The following USP8 variants were observed in gnomAD, a reference collection of about 807,000 sequenced individuals.
USP8 encodes ubiquitin carboxyl-terminal hydrolase 8.
A neutral mutation model predicts 130.0 loss-of-function variants in USP8; 27 were observed. The ratio of observed to expected loss-of-function variants is 0.21; its 90% CI spans 0.15 to 0.29. USP8 has a LOEUF of 0.29. Among genes scored for constraint, USP8 ranks in the 10% least tolerant of loss-of-function variants. The pLI is 1.00. For synonymous variants in USP8, 392 were observed against 444.1 expected (o/e 0.88, Z 1.48); for missense variants, 1,029 against 1,312.2 (o/e 0.78, Z 3.33).
chr15:50,476,797 TA>T, intron 8 of USP8, 51 bp from the exon 9 acceptor site: 1 of 1,494,682 alleles, frequency 6.7e-7, no homozygotes, highest in Non-Finnish European at 8.9e-7. Context: ...GTTGTGTTTT[TA>T]GCTGTTGAAA....
At chr15:50,469,319 C>A (rs921258208) in intron 7 of USP8, among the ~76,000 whole-genome samples, 7 of 151,702 alleles carry the variant, frequency 4.6e-5, no homozygotes, top group Admixed American at 2.0e-4. Context: ...TAATAAAAGA[C>A]AAGTAGAGCA....
chr15:50,505,750 G>C lies in USP8; in HGVS notation c.*6662G>C, dbSNP rs112069964. The C allele has an allele frequency of 0.09, 13,730 of 152,404 alleles. 1,360 individuals carry two copies. Among genetic ancestry groups the C allele is most frequent in the African/African-American group, 0.25 (10,325 of 41,516 alleles). The allele number at this position is 152,404 out of a possible 1,614,324, so 9.4% of individuals were successfully genotyped here. The stretch of plus-strand genomic sequence containing the variant: ...AAGGCAGGAGGATCGTTTGAGCCCA[G>C]GAGTTTGAGACCAGCCTGGGCAACA... On this transcript the variant is annotated 3_prime_UTR_variant, in exon 20 of 20. Transcript: ENST00000307179.
chr15:50,491,133 T>C (rs369147817), intron 14 of USP8, among the ~76,000 whole-genome samples: 9 of 152,208 alleles, frequency 5.9e-5, no homozygotes, highest in African/African-American at 2.2e-4. Flanking sequence ...TTATGACTGA[T>C]AGGGCTATGA....
rs151230600 is a variant in USP8 at position 50,498,877 on chromosome 15, T to G, written c.3172-26T>G. The G allele has an allele frequency of 1.9e-6, 3 of 1,567,780 alleles. No homozygotes were observed. In the African/African-American group the frequency reaches 4.1e-5, roughly 22 times the overall value. Reference sequence around the variant, plus strand: ...AAATAACAATTTTAACTGAATTGATTTTTTTTTCTATCTTGTTTGGCACAG... The same window carrying G: ...AAATAACAATTTTAACTGAATTGATGTTTTTTTCTATCTTGTTTGGCACAG... On this transcript the variant is annotated intron_variant, in intron 19 of 19. Transcript: ENST00000307179.
chr15:50,433,887 G>C (rs1044021890), intron 1 of USP8, among the ~76,000 whole-genome samples: 1 of 152,238 alleles, frequency 6.6e-6, no homozygotes, highest in African/African-American at 2.4e-5. Context: ...TTACAGGCGT[G>C]AGCCACTGTG....
In USP8 at chr15:50,481,690, C is replaced by G; in HGVS notation, c.1428C>G (p.Asn476Lys). The change falls in exon 11 of 20, where the codon AAC becomes AAG. Residue 476 changes from asparagine to lysine, a missense_variant. By Grantham distance (94) the Asn-to-Lys change is moderately conservative. Around this residue, in one of 4 missense-constraint regions of USP8, gnomAD observed 486 missense variants for 522.0 expected, o/e 0.93. Transcript: ENST00000307179. The part of the protein sequence containing the change: ...HAETALLMEK[N>K]KQEKELRERQ... ...AAACTGCTCTTCTAATGGAAAAAAA[C>G]AAACAAGAAAAAGAACTTCGGGAAA... 1 of 1,610,308 alleles carries G rather than the reference C, an allele frequency of 6.2e-7. No individual in the cohort carries two copies. The highest frequency in any genetic ancestry group is 1.1e-5 in the South Asian group (1 of 90,288).
rs773766828 is a variant in USP8, at chr15:50,471,640, G to C, written c.694G>C (p.Ala232Pro). The C allele has an allele frequency of 4.5e-5, 72 of 1,612,412 alleles. No homozygotes were observed. The highest frequency in any genetic ancestry group is 5.5e-5 in the Non-Finnish European group (65 of 1,179,822). Residue 232 changes from alanine (A) to proline (P), a missense_variant, in exon 8 of 20, where the codon GCT becomes CCT. Ala to Pro is a conservative substitution (Grantham distance 27). Around this residue, in one of 4 missense-constraint regions of USP8, gnomAD observed 281 missense variants for 336.7 expected, o/e 0.83. Transcript: ENST00000307179. ...PEEAISPGVTASWIEAHLPDD... is the reference protein window; with the variant it reads ...PEEAISPGVTPSWIEAHLPDD... ...AATATTAATACATTTCAGAGTCACT[G>C]CTAGTTGGATTGAAGCACACCTGCC...
At position 50,511,770 on chromosome 15, in the gene USP8, G is replaced by A. The variant is rs1379434155; in HGVS notation, c.*12682G>A. 1 of 152,322 alleles carries A rather than the reference G, an allele frequency of 6.6e-6. No individual in the cohort carries two copies. Among genetic ancestry groups the A allele is most frequent in the Non-Finnish European group, 1.5e-5 (1 of 68,108 alleles). 9.4% of individuals were successfully genotyped at this position (152,322 alleles called of 1,614,324 possible). ...CCAGCACCTGGGGGAGCCGAGGCAG[G>A]TGGATCACTTGACGTCTGGAGTTTG... On this transcript the variant is annotated 3_prime_UTR_variant, in exon 20 of 20. Transcript: ENST00000307179.
chr15:50,432,032 A>G lies in USP8; in HGVS notation c.-65-6977A>G, dbSNP rs547549417. ...AGGTTCTCTCTCTCATCACATCATC[A>G]TGAGCACTGCGTGTGTATGAGGATT... On this transcript the variant is annotated intron_variant, in intron 1 of 19. Coordinates refer to ENST00000307179, the MANE Select transcript of USP8 (RefSeq NM_005154.5). 7.6e-4 allele frequency among the ~76,000 whole-genome samples: 116 copies of G among 152,256 alleles called. 1 individual carries two copies. The highest frequency in any genetic ancestry group is 6.8e-3 in the Middle Eastern group (2 of 294).
rs2052628110 is a variant in USP8, at chr15:50,504,260, C to T, written c.*5172C>T. Reference sequence around the variant, plus strand: ...CTACTCCAGGCCTGGCATGGTGGCTCACACGTGTAATCCCAACGTTTTTGG... The same window carrying T: ...CTACTCCAGGCCTGGCATGGTGGCTTACACGTGTAATCCCAACGTTTTTGG... On this transcript the variant is annotated 3_prime_UTR_variant, in exon 20 of 20. Coordinates refer to ENST00000307179, the MANE Select transcript of USP8 (RefSeq NM_005154.5). The T allele has an allele frequency of 6.6e-6, 1 of 152,154 alleles. No homozygotes were observed. Among genetic ancestry groups the T allele is most frequent in the South Asian group, 2.1e-4 (1 of 4,832 alleles). 9.4% of individuals were successfully genotyped at this position (152,154 alleles called of 1,614,324 possible).
chr15:50,497,739 C>T (rs1485034622), intron 18 of USP8: 1 of 152,152 alleles, frequency 6.6e-6, no homozygotes, highest in African/African-American at 2.4e-5. Context: ...AAAACACGAA[C>T]CAGATCTTTT....
rs2051421334 is a variant in USP8, at chr15:50,472,659, C to T, written c.849+864C>T. Among the ~76,000 whole-genome samples the T allele has an allele frequency of 4.0e-5, 6 of 151,436 alleles. No individual in the cohort carries two copies. In the South Asian group the frequency reaches 1.2e-3, roughly 32 times the overall value. ...GGCGTGGTGGCCCATGCCTGTAATC[C>T]CAACACTTTGGGAAGCTGAGGCGGG... On this transcript the variant is annotated intron_variant, in intron 8 of 19. Transcript: ENST00000307179.
intron 7 of USP8, among the ~76,000 whole-genome samples, chr15:50,466,470 C>T (rs2051190623): frequency 6.6e-6 from 1 of 151,902 alleles, no homozygotes; most frequent in African/African-American, 2.4e-5. Flanking sequence ...TGGCGTATGC[C>T]TATAATCCCA....
chr15:50,482,043 C>A lies in USP8; in HGVS notation c.1781C>A (p.Thr594Lys). Reference sequence around the variant, plus strand: ...GGAGATGTGCCCCATACATCTGTGACAGGGGATTCAGGTTCAGGCAAGGTA... The same window carrying A: ...GGAGATGTGCCCCATACATCTGTGAAAGGGGATTCAGGTTCAGGCAAGGTA... ...STGDVPHTSV[T>K]GDSGSGKPFK... The change falls in exon 11 of 20, where the codon ACA (threonine) becomes AAA (lysine). Residue 594 changes from threonine (T) to lysine (K), a missense_variant. By Grantham distance (78) the Thr-to-Lys change is moderately conservative. Coordinates refer to ENST00000307179, the MANE Select transcript of USP8 (RefSeq NM_005154.5). The A allele has an allele frequency of 6.6e-7, 1 of 1,507,936 alleles. No homozygotes were observed. 93.4% of individuals were successfully genotyped at this position (1,507,936 alleles called of 1,614,324 possible). A position where few individuals can be genotyped will look rare whatever the true frequency, so the allele number is the denominator to read the frequency against.
chr15:50,501,760 G>A lies in USP8; in HGVS notation c.*2672G>A, dbSNP rs1340295928. ...GTGTTATGGTGTATGATAAGGGTCA[G>A]CAAACCACGGCCCGTGGGTCAACTC... On this transcript the variant is annotated 3_prime_UTR_variant, in exon 20 of 20. Coordinates refer to ENST00000307179, the MANE Select transcript of USP8 (RefSeq NM_005154.5). 2 of 152,156 alleles carry A rather than the reference G, an allele frequency of 1.3e-5. No individual in the cohort carries two copies. Among genetic ancestry groups the A allele is most frequent in the Admixed American group, 1.3e-4 (2 of 15,278 alleles). 9.4% of individuals were successfully genotyped at this position (152,156 alleles called of 1,614,324 possible). A position where few individuals can be genotyped will look rare whatever the true frequency, so the allele number is the denominator to read the frequency against.
At chr15:50,432,302 G>A (rs1229196110) in intron 1 of USP8, 1 of 151,982 alleles carries the variant, frequency 6.6e-6, no homozygotes, top group Non-Finnish European at 1.5e-5. Context: ...CCACTTTGTT[G>A]GCTACCTACC....
rs767554389 is a variant in USP8, at chr15:50,481,932, G to C, written c.1670G>C (p.Ser557Thr). 4.4e-6 allele frequency: 7 copies of C among 1,608,380 alleles called. No homozygotes were observed. In the Admixed American group the frequency reaches 8.6e-5, roughly 20 times the overall value. Residue 557 changes from serine (S) to threonine (T), a missense_variant, in exon 11 of 20, where the codon AGT becomes ACT. By Grantham distance (58) the Ser-to-Thr change is moderately conservative. Coordinates refer to ENST00000307179, the MANE Select transcript of USP8 (RefSeq NM_005154.5). ...EITGVKRQSK[S>T]EHETSDAKKS... ...ACAGGAGTAAAAAGACAAAGTAAAA[G>C]TGAACATGAAACTTCTGATGCCAAG... is the stretch of plus-strand genomic sequence containing the variant.
Position 50,500,068 on chromosome 15 carries a change from T to G in USP8, c.*980T>G, listed in dbSNP as rs1356874469. The stretch of plus-strand genomic sequence containing the variant: ...AACCGAGGGACTCAGTTGCTATATA[T>G]ATAGTCAGTAAAACACTCCATATAA... On this transcript the variant is annotated 3_prime_UTR_variant, in exon 20 of 20. Coordinates refer to ENST00000307179, the MANE Select transcript of USP8 (RefSeq NM_005154.5). The G allele has an allele frequency of 2.0e-5, 3 of 152,156 alleles. No homozygotes were observed. The highest frequency in any genetic ancestry group is 3.2e-3 in the Middle Eastern group (1 of 316). 9.4% of individuals were successfully genotyped at this position (152,156 alleles called of 1,614,324 possible).
intron 1 of USP8, among the ~76,000 whole-genome samples, chr15:50,432,659 A>G (rs1310243043): frequency 6.6e-6 from 1 of 152,192 alleles, no homozygotes; most frequent in East Asian, 1.9e-4. Context: ...TGTCACCTGT[A>G]TTAAGAAATA....
Sources: allele counts gnomAD v4.1 joint callset (sites outside exome capture counted in the v4.1 genomes callset), GRCh38; gene constraint gnomAD v4.1.1; regional missense constraint gnomAD v4.1.1; transcripts MANE v1.5; gene names NCBI Gene and HGNC (gene_info 2026-07-23, HGNC 2026-07-21).